KIAA1217: variants seen among roughly 807,000 people sequenced by gnomAD.
KIAA1217 encodes KIAA1217, also known as sickle tail protein homolog.
KIAA1217 carries 88 observed loss-of-function variants against 163.9 expected under a neutral mutation model. The observed-to-expected ratio is 0.54, with a 90% CI of 0.45 to 0.64. The LOEUF is 0.64. Ranked by LOEUF, KIAA1217 falls within the 30% of genes least tolerant of loss-of-function variation. KIAA1217 has a pLI of 0.00. For synonymous variants in KIAA1217, 903 were observed against 923.1 expected (o/e 0.98, Z 0.39); for missense variants, 2,372 against 2,475.0 (o/e 0.96, Z 0.88).
At chr10:24,150,167 G>A (rs1281171883) in intron 2 of KIAA1217, among the ~76,000 whole-genome samples, 6 of 151,986 alleles carry the variant, frequency 3.9e-5, no homozygotes, top group East Asian at 1.9e-4. Flanking sequence ...ACAGGTGCAC[G>A]CCACCATGCC....
chr10:24,379,696 A>G (rs1315551963), intron 2 of KIAA1217, among the ~76,000 whole-genome samples: 2 of 152,144 alleles, frequency 1.3e-5, no homozygotes, highest in African/African-American at 4.8e-5. Flanking sequence ...CCTGAAACAA[A>G]TCTGTAGCCC....
intron 1 of KIAA1217, among the ~76,000 whole-genome samples, chr10:23,703,543 T>G (rs1359071632): frequency 6.6e-6 from 1 of 152,202 alleles, no homozygotes; most frequent in Non-Finnish European, 1.5e-5. Context: ...TGTTTGCCAA[T>G]TTCTGTATCG....
chr10:24,264,118 C>T (rs1490842248), intron 2 of KIAA1217, among the ~76,000 whole-genome samples: 1 of 152,126 alleles, frequency 6.6e-6, no homozygotes, highest in Admixed American at 6.5e-5. Context: ...CTCGGCCTCC[C>T]AAAGTGCTGG....
Position 24,511,152 on chromosome 10 carries a change from C to CAAAAAAAA in KIAA1217, c.2002-2093_2002-2086dup, listed in dbSNP as rs58529942. On this transcript the variant is annotated intron_variant, in intron 9 of 20. Transcript: ENST00000376454. ...TGGGCAACAGAGTGAGACTCTGTCTCAAAAAAAAAAAAAAAAAAAAAGGAG... is the reference window on the plus strand; with the variant it reads ...TGGGCAACAGAGTGAGACTCTGTCTCAAAAAAAAAAAAAAAAAAAAAAAAAAAAAGGAG... Among the ~76,000 whole-genome samples the CAAAAAAAA allele has an allele frequency of 2.3e-3, 78 of 34,512 alleles. 10 individuals are homozygous for CAAAAAAAA. The highest frequency in any genetic ancestry group is 0.01 in the African/African-American group (52 of 5,154). The allele number at this position is 34,512 out of a possible 152,430, so 22.6% of individuals were successfully genotyped here. A position where few individuals can be genotyped will look rare whatever the true frequency, so the allele number is the denominator to read the frequency against.
At chr10:23,759,340 C>T (rs1209763869) in intron 1 of KIAA1217, among the ~76,000 whole-genome samples, 1 of 152,100 alleles carries the variant, frequency 6.6e-6, no homozygotes, top group Non-Finnish European at 1.5e-5. Context: ...CATATAAGAA[C>T]ATGCCATATG....
At chr10:24,205,017 C>T (rs2067467347), upstream of KIAA1217, among the ~76,000 whole-genome samples, 1 of 152,134 alleles carries the variant, frequency 6.6e-6, no homozygotes, top group African/African-American at 2.4e-5. Flanking sequence ...CTTCAGCAAG[C>T]ATTAATTATT....
At chr10:24,419,276 T>C (rs979416824) in intron 3 of KIAA1217, among the ~76,000 whole-genome samples, 2 of 152,140 alleles carry the variant, frequency 1.3e-5, no homozygotes, top group South Asian at 2.1e-4. Context: ...TACATCCAGA[T>C]TTGGCCTCCT....
chr10:23,762,819 G>A (rs1588744762), intron 1 of KIAA1217, among the ~76,000 whole-genome samples: 1 of 152,150 alleles, frequency 6.6e-6, no homozygotes, highest in African/African-American at 2.4e-5. Context: ...AAGAGAGGAA[G>A]TCAAATTATC....
intron 2 of KIAA1217, among the ~76,000 whole-genome samples, chr10:24,135,536 C>CA (rs113805118): frequency 0.02 from 3,049 of 152,038 alleles, 91 homozygotes; most frequent in African/African-American, 0.069. Context: ...ACATGCCAGC[C>CA]AAAAGGGCTT....
At chr10:24,498,768 G>A (rs1465061238) in intron 8 of KIAA1217, among the ~76,000 whole-genome samples, 1 of 152,180 alleles carries the variant, frequency 6.6e-6, no homozygotes, top group Non-Finnish European at 1.5e-5. Context: ...TCGGGGAATT[G>A]CACCGCTGCA....
At chr10:23,960,011 G>A (rs1402701343) in intron 1 of KIAA1217, among the ~76,000 whole-genome samples, 1 of 151,000 alleles carries the variant, frequency 6.6e-6, no homozygotes, top group African/African-American at 2.4e-5. Flanking sequence ...CTCCTCCCGG[G>A]TTCACGCCAT....
At chr10:24,413,398 C>A (rs1392448348) in intron 3 of KIAA1217, among the ~76,000 whole-genome samples, 2 of 152,154 alleles carry the variant, frequency 1.3e-5, no homozygotes, top group East Asian at 3.9e-4. Context: ...TCTCCTACTC[C>A]TGACCTCAGG....
intron 1 of KIAA1217, among the ~76,000 whole-genome samples, chr10:23,970,539 C>A (rs1209302702): frequency 6.6e-6 from 1 of 152,148 alleles, no homozygotes; most frequent in African/African-American, 2.4e-5. Flanking sequence ...TTCAGTTAAA[C>A]AGAAAGGATA....
chr10:24,157,052 T>C (rs1471400118), intron 2 of KIAA1217, among the ~76,000 whole-genome samples: 2 of 152,232 alleles, frequency 1.3e-5, no homozygotes, highest in East Asian at 1.9e-4. Context: ...CTGGATCATA[T>C]AGGAAGTACG....
At chr10:23,800,971 T>C (rs184945636) in intron 1 of KIAA1217, among the ~76,000 whole-genome samples, 12 of 152,288 alleles carry the variant, frequency 7.9e-5, no homozygotes, top group African/African-American at 2.6e-4. Context: ...AATCTCATTA[T>C]TGGGTATATA....
At chr10:24,518,603 T>G (rs1411912031) in intron 10 of KIAA1217, among the ~76,000 whole-genome samples, 1 of 152,190 alleles carries the variant, frequency 6.6e-6, no homozygotes, top group Non-Finnish European at 1.5e-5. Context: ...CCAGCAAAGC[T>G]TTGCAGGACT....
chr10:23,984,254 G>C (rs956699285), intron 1 of KIAA1217, among the ~76,000 whole-genome samples: 1 of 152,112 alleles, frequency 6.6e-6, no homozygotes, highest in African/African-American at 2.4e-5. Context: ...TGTCCTTCCT[G>C]GTGACTAAGA....
chr10:23,940,077 C>T (rs118169247), intron 1 of KIAA1217, among the ~76,000 whole-genome samples: 3,161 of 151,806 alleles, frequency 0.021, 60 homozygotes, highest in Admixed American at 0.064. Flanking sequence ...GATCAATCAT[C>T]AAGAGGATGT....
intron 2 of KIAA1217, among the ~76,000 whole-genome samples, chr10:24,054,539 A>C (rs1849747014): frequency 6.6e-6 from 1 of 152,208 alleles, no homozygotes; most frequent in African/African-American, 2.4e-5. Flanking sequence ...TGTCTTTTAA[A>C]ACTCCAGGCC....
Sources: allele counts gnomAD v4.1 joint callset (sites outside exome capture counted in the v4.1 genomes callset), GRCh38; gene constraint gnomAD v4.1.1; transcripts MANE v1.5; gene names NCBI Gene and HGNC (gene_info 2026-07-23, HGNC 2026-07-21).